Variants in FRMD6 observed in about 807,000 individuals in gnomAD.
FRMD6 encodes FERM domain containing 6.
In FRMD6, 37 loss-of-function variants were observed where a neutral mutation model predicts 73.2. That is an observed-to-expected ratio of 0.51 (90% CI 0.39 to 0.66). FRMD6 has a LOEUF of 0.66. FRMD6 is among the 30% of genes least tolerant of loss of function. FRMD6 has a pLI of 0.00. For synonymous variants in FRMD6, 273 were observed against 282.2 expected, an observed-to-expected ratio of 0.97 and a Z score of 0.33; for missense variants, 714 against 780.5, an observed-to-expected ratio of 0.91 and a Z score of 1.02.
the FRMD6 span, among the ~76,000 whole-genome samples, chr14:51,477,338 A>G: frequency 6.6e-6 from 1 of 152,182 alleles, no homozygotes; most frequent in Admixed American, 6.5e-5. Context: ...ACCCAACGTG[A>G]TGTTTACGTG....
At chr14:51,492,254 ACTC>A (rs899425772) in intron 1 of FRMD6, among the ~76,000 whole-genome samples, 3 of 151,848 alleles carry the variant, frequency 2.0e-5, no homozygotes, top group African/African-American at 7.3e-5. Flanking sequence ...GTTTGAAACT[ACTC>A]TCAGGTAGAG....
At chr14:51,549,330 C>G (rs1886649692) in intron 1 of FRMD6, among the ~76,000 whole-genome samples, 1 of 152,058 alleles carries the variant, frequency 6.6e-6, no homozygotes, top group Non-Finnish European at 1.5e-5. Flanking sequence ...TTGTGTTATT[C>G]CATAGTATAG....
intron 1 of FRMD6, among the ~76,000 whole-genome samples, chr14:51,551,409 A>G (rs1886826779): frequency 6.6e-6 from 1 of 152,218 alleles, no homozygotes; most frequent in Non-Finnish European, 1.5e-5. Context: ...CACAGAGAAC[A>G]ATTATTTGTC....
At chr14:51,488,159 C>T (rs1248352254), upstream of FRMD6, among the ~76,000 whole-genome samples, 7 of 152,164 alleles carry the variant, frequency 4.6e-5, no homozygotes, top group East Asian at 1.3e-3. Context: ...CCCTTCCCAG[C>T]AAAAATTCCA....
intron 2 of FRMD6, among the ~76,000 whole-genome samples, chr14:51,607,059 T>C (rs1468032208): frequency 6.6e-6 from 1 of 152,096 alleles, no homozygotes; most frequent in Non-Finnish European, 1.5e-5. Flanking sequence ...CCACCCACAC[T>C]GAGGGTGGGT....
rs1339293641 is a variant in FRMD6, at chr14:51,721,769, G to GGGAAGGAA, written c.1361-173_1361-172insAGGAAGGA. Reference sequence around the variant, plus strand: ...AAGGGAGGAAGGAAGGAGGGAAGGAGGGAAGGAGTAAACAAGTAGTACCTG... The same window carrying GGGAAGGAA: ...AAGGGAGGAAGGAAGGAGGGAAGGAGGGAAGGAAGGAAGGAGTAAACAAGTAGTACCTG... On this transcript the variant is annotated intron_variant, in intron 11 of 13. Coordinates refer to ENST00000344768, the MANE Select transcript of FRMD6 (RefSeq NM_001267046.2). Among the ~76,000 whole-genome samples, 8 of 117,520 alleles carry GGGAAGGAA rather than the reference G, an allele frequency of 6.8e-5. No homozygotes were observed. In the East Asian group the frequency reaches 1.6e-3, roughly 23 times the overall value. The allele number at this position is 117,520 out of a possible 152,430, so 77.1% of individuals were successfully genotyped here.
chr14:51,491,225 G>T (rs1882983792), intron 1 of FRMD6, among the ~76,000 whole-genome samples: 1 of 152,168 alleles, frequency 6.6e-6, no homozygotes, highest in Non-Finnish European at 1.5e-5. Flanking sequence ...GCCCTAAGAG[G>T]CTAACTCCTT....
intron 2 of FRMD6, among the ~76,000 whole-genome samples, chr14:51,601,166 C>G (rs1402366428): frequency 3.3e-5 from 5 of 152,160 alleles, no homozygotes; most frequent in Admixed American, 3.3e-4. Flanking sequence ...TTGGGTAGAG[C>G]TGAGCTCCAG....
At chr14:51,510,752 GGAATTA>G (rs1884250438) in intron 1 of FRMD6, among the ~76,000 whole-genome samples, 1 of 152,120 alleles carries the variant, frequency 6.6e-6, no homozygotes, top group Non-Finnish European at 1.5e-5. Context: ...CTGTCCCTGG[GGAATTA>G]TACCTCCAAG....
chr14:51,441,802 CTTG>C, the FRMD6 span, among the ~76,000 whole-genome samples: 1 of 152,154 alleles, frequency 6.6e-6, no homozygotes, highest in Non-Finnish European at 1.5e-5. Context: ...TTTAAAAAAT[CTTG>C]TTGTGGGAAT....
At chr14:51,701,970 G>T (rs1414722164) in intron 4 of FRMD6, among the ~76,000 whole-genome samples, 1 of 152,032 alleles carries the variant, frequency 6.6e-6, no homozygotes, top group African/African-American at 2.4e-5. Context: ...CGTGTTTCCA[G>T]AACCTCCCTA....
the FRMD6 span, among the ~76,000 whole-genome samples, chr14:51,483,046 G>C: frequency 6.6e-6 from 1 of 152,132 alleles, no homozygotes; most frequent in African/African-American, 2.4e-5. Context: ...TCCTGTTCCA[G>C]TTCTTAAAAT....
chr14:51,436,624 C>A, the FRMD6 span: 5 of 545,572 alleles, frequency 9.2e-6, no homozygotes, highest in African/African-American at 1.9e-5. Context: ...AAGCAGCATG[C>A]GGAACTAGAG....
At chr14:51,578,351 T>C (rs1430502871) in intron 2 of FRMD6, among the ~76,000 whole-genome samples, 1 of 152,044 alleles carries the variant, frequency 6.6e-6, no homozygotes, top group South Asian at 2.1e-4. Flanking sequence ...CTGGAAGAAA[T>C]AGAATTACAT....
intron 2 of FRMD6, among the ~76,000 whole-genome samples, chr14:51,617,072 C>A (rs1300168127): frequency 6.6e-6 from 1 of 152,190 alleles, no homozygotes; most frequent in Non-Finnish European, 1.5e-5. Flanking sequence ...ATCAGGAGTG[C>A]CATGTGGAAG....
the FRMD6 span, among the ~76,000 whole-genome samples, chr14:51,434,429 A>C: frequency 6.6e-6 from 1 of 152,178 alleles, no homozygotes; most frequent in African/African-American, 2.4e-5. Flanking sequence ...GGAAGTACTC[A>C]AAAACTGATG....
At chr14:51,441,592 G>C in the FRMD6 span, among the ~76,000 whole-genome samples, 1 of 152,166 alleles carries the variant, frequency 6.6e-6, no homozygotes, top group African/African-American at 2.4e-5. Flanking sequence ...TAGGAGCCTT[G>C]GTCCAGTTTT....
intron 1 of FRMD6, among the ~76,000 whole-genome samples, chr14:51,561,557 A>T (rs1887482760): frequency 6.6e-6 from 1 of 152,236 alleles, no homozygotes; most frequent in Non-Finnish European, 1.5e-5. Flanking sequence ...GCAAATAGCA[A>T]TAGACTTGTA....
chr14:51,637,374 A>G (rs533294529), intron 2 of FRMD6: 1 of 152,132 alleles, frequency 6.6e-6, no homozygotes, highest in East Asian at 1.9e-4. Context: ...TTTATTCTGT[A>G]ATTGATTTAT....
Sources: allele counts gnomAD v4.1 joint callset (sites outside exome capture counted in the v4.1 genomes callset), GRCh38; gene constraint gnomAD v4.1.1; transcripts MANE v1.5; gene names NCBI Gene and HGNC (gene_info 2026-07-23, HGNC 2026-07-21).